ALOX5: variants seen among roughly 807,000 people sequenced by gnomAD.
ALOX5 encodes arachidonate 5-lipoxygenase.
Under a neutral mutation model 87.9 loss-of-function variants are expected in ALOX5, and 64 were observed. The ratio of observed to expected loss-of-function variants is 0.73; its 90% CI spans 0.60 to 0.90. The LOEUF is 0.90. Ranked by LOEUF, ALOX5 falls within the 40% of genes least tolerant of loss-of-function variation. The pLI, the probability that ALOX5 is intolerant of heterozygous loss-of-function variation, is 0.00. For missense variants in ALOX5, 822 were observed against 907.5 expected (o/e 0.91, Z 1.21); for synonymous variants, 388 against 355.1 (o/e 1.09, Z -1.04).
intron 4 of ALOX5, among the ~76,000 whole-genome samples, chr10:45,422,766 G>A (rs1334094466): frequency 3.9e-5 from 6 of 152,204 alleles, no homozygotes. Context: ...AGTCTATTGG[G>A]ACAGCCACAT....
chr10:45,420,616 C>G (rs1841467125), intron 4 of ALOX5, among the ~76,000 whole-genome samples: 1 of 152,238 alleles, frequency 6.6e-6, no homozygotes, highest in Non-Finnish European at 1.5e-5. Flanking sequence ...GGAGGCCTTC[C>G]CCGTTAAACC....
In ALOX5 at chr10:45,395,875, C is replaced by G. The variant is rs1840481560; in HGVS notation, c.370C>G (p.Gln124Glu). ...DGRAKLARDD[Q>E]IHILKQHRRK... ...TACAGCAAAGTTGGCCCGAGATGAC[C>G]AAATTCACATTCTCAAGCAACACCG... Residue 124 changes from glutamine to glutamate, a missense_variant, in exon 3 of 14, where the codon CAA becomes GAA. Transcript: ENST00000374391. 6.2e-7 allele frequency: 1 copy of G among 1,614,208 alleles called. No homozygotes were observed. Among genetic ancestry groups the G allele is most frequent in the Non-Finnish European group, 8.5e-7 (1 of 1,180,032 alleles).
intron 4 of ALOX5, among the ~76,000 whole-genome samples, chr10:45,413,472 C>T (rs1355269574): frequency 6.6e-6 from 1 of 151,994 alleles, no homozygotes; most frequent in East Asian, 1.9e-4. Flanking sequence ...TATGACAGAC[C>T]CACAGCCAAT....
At chr10:45,413,324 A>C (rs1332174742) in intron 4 of ALOX5, among the ~76,000 whole-genome samples, 1 of 152,266 alleles carries the variant, frequency 6.6e-6, no homozygotes, top group South Asian at 2.1e-4. Flanking sequence ...GCATATAAAC[A>C]GAACCAATGA....
At position 45,445,731 on chromosome 10, in the gene ALOX5, A is replaced by T. The variant is rs1305131666; in HGVS notation, c.*44A>T. ...TGTGGGAAGGCCAGCTGCCCCAGCC[A>T]GATGGACTCCAGCCTGCCTGGCAGG... On this transcript the variant is annotated 3_prime_UTR_variant, in exon 14 of 14. Coordinates refer to ENST00000374391, the MANE Select transcript of ALOX5 (RefSeq NM_000698.5). 6.3e-7 allele frequency: 1 copy of T among 1,584,234 alleles called. No homozygotes were observed. The highest frequency in any genetic ancestry group is 1.1e-5 in the South Asian group (1 of 89,578).
chr10:45,417,574 C>G (rs1281974089), intron 4 of ALOX5, among the ~76,000 whole-genome samples: 2 of 152,206 alleles, frequency 1.3e-5, no homozygotes, highest in Non-Finnish European at 2.9e-5. Context: ...GGCTCCATCT[C>G]TCAAGACAGT....
At position 45,444,053 on chromosome 10, in the gene ALOX5, C is replaced by G. The variant is rs558471888; in HGVS notation, c.1675-63C>G. 1.9e-5 allele frequency: 28 copies of G among 1,485,168 alleles called. No individual in the cohort carries two copies. In the South Asian group the frequency reaches 3.6e-4, roughly 19 times the overall value. The allele number at this position is 1,485,168 out of a possible 1,614,324, so 92.0% of individuals were successfully genotyped here. A position where few individuals can be genotyped will look rare whatever the true frequency, so the allele number is the denominator to read the frequency against. On this transcript the variant is annotated intron_variant, in intron 12 of 13. Transcript: ENST00000374391. Reference sequence around the variant, plus strand: ...TGGGGGGCACGGGGAGGACGGGGCCCAGGGGGCAGCTGGGCAGCAGGGCTT... The same window carrying G: ...TGGGGGGCACGGGGAGGACGGGGCCGAGGGGGCAGCTGGGCAGCAGGGCTT...
chr10:45,432,308 C>T (rs189424589), intron 7 of ALOX5, among the ~76,000 whole-genome samples: 105 of 150,752 alleles, frequency 7.0e-4, no homozygotes, highest in African/African-American at 2.5e-3. Flanking sequence ...TGCAGTGAGC[C>T]ATGGTCGCTC....
chr10:45,394,842 G>A (rs1314787763), intron 2 of ALOX5, among the ~76,000 whole-genome samples: 1 of 152,158 alleles, frequency 6.6e-6, no homozygotes, highest in Non-Finnish European at 1.5e-5. Context: ...GCAGCCAACA[G>A]ACACATGAAA....
At chr10:45,377,608 C>T (rs1309956015) in intron 1 of ALOX5, among the ~76,000 whole-genome samples, 1 of 152,100 alleles carries the variant, frequency 6.6e-6, no homozygotes, top group Non-Finnish European at 1.5e-5. Context: ...TCCCCATAGC[C>T]TCCCCCTCTC....
chr10:45,421,374 C>T (rs1163170402), intron 4 of ALOX5, among the ~76,000 whole-genome samples: 10 of 152,230 alleles, frequency 6.6e-5, no homozygotes, highest in Non-Finnish European at 1.2e-4. Context: ...AGGGACCACC[C>T]GGGACCTCAG....
chr10:45,384,833 C>CCATTATTATTATTAT (rs1554789077), intron 2 of ALOX5, among the ~76,000 whole-genome samples: 1 of 149,156 alleles, frequency 6.7e-6, no homozygotes. Flanking sequence ...AATTTGTGGC[C>CCATTATTATTATTAT]TATTATTATT....
intron 7 of ALOX5, among the ~76,000 whole-genome samples, chr10:45,438,988 C>G (rs956653653): frequency 1.3e-5 from 2 of 152,094 alleles, no homozygotes; most frequent in Non-Finnish European, 2.9e-5. Context: ...GGATTTGGCT[C>G]GTCCAAACCA....
intron 7 of ALOX5, among the ~76,000 whole-genome samples, chr10:45,439,609 T>TGGGGCTG (rs1842165057): frequency 2.0e-5 from 3 of 152,146 alleles, no homozygotes; most frequent in Non-Finnish European, 4.4e-5. Context: ...TGGAGGGACC[T>TGGGGCTG]GGGGCTGGGT....
intron 2 of ALOX5, among the ~76,000 whole-genome samples, chr10:45,395,498 C>G: frequency 6.6e-6 from 1 of 151,854 alleles, no homozygotes; most frequent in East Asian, 1.9e-4. Flanking sequence ...GGAGATATAA[C>G]TAATGTAAAT....
chr10:45,429,059 G>A (rs1016530834), intron 7 of ALOX5, among the ~76,000 whole-genome samples: 2 of 152,148 alleles, frequency 1.3e-5, no homozygotes, highest in Non-Finnish European at 2.9e-5. Flanking sequence ...TGCTGCCAGG[G>A]GCCAGGCAGG....
intron 2 of ALOX5, among the ~76,000 whole-genome samples, chr10:45,390,083 A>C (rs1441256441): frequency 1.3e-5 from 2 of 152,156 alleles, no homozygotes; most frequent in African/African-American, 4.8e-5. Flanking sequence ...AAAGATCAAA[A>C]GAGACAAAGA....
chr10:45,445,588 C>T lies in ALOX5; in HGVS notation c.1926C>T (p.Leu642=), dbSNP rs28395861. The T allele has an allele frequency of 6.2e-6, 10 of 1,614,036 alleles. No homozygotes were observed. Among genetic ancestry groups the T allele is most frequent in the South Asian group, 4.4e-5 (4 of 91,090 alleles). The change falls in exon 14 of 14, where the codon CTC becomes CTT. Residue 642 remains leucine, a synonymous_variant. Coordinates refer to ENST00000374391, the MANE Select transcript of ALOX5 (RefSeq NM_000698.5). ...CCATGGCCCGATTCCGCAAGAACCT[C>T]GAGGCCATTGTCAGCGTGATTGCTG... The part of the protein sequence containing the change: ...KEAMARFRKN[L]EAIVSVIAER...
intron 8 of ALOX5, 116 bp downstream of exon 8, chr10:45,440,749 C>A (rs1589048654): frequency 2.6e-6 from 3 of 1,146,642 alleles, no homozygotes; most frequent in South Asian, 1.5e-5. Context: ...AGAAAGGGAG[C>A]CCTGGAGAGA....
Sources: gnomAD v4.1 joint callset for allele counts (sites outside exome capture counted in the v4.1 genomes callset) on GRCh38, gnomAD v4.1.1 for gene constraint, MANE v1.5 for transcripts, NCBI Gene and HGNC (gene_info 2026-07-23, HGNC 2026-07-21) for gene names.